The following RFX2 variants were observed in gnomAD, a reference collection of about 807,000 sequenced individuals.
RFX2 encodes regulatory factor X2.
RFX2 carries 20 observed loss-of-function variants against 87.8 expected under a neutral mutation model. The ratio of observed to expected loss-of-function variants is 0.23; its 90% CI spans 0.16 to 0.33. The LOEUF (loss-of-function observed/expected upper bound fraction) is 0.33. Ranked by LOEUF, RFX2 falls within the 10% of genes least tolerant of loss-of-function variation. The probability of loss-of-function intolerance (pLI) is 1.00; values close to 1 mark genes in which losing one functional copy is unlikely to be tolerated. For synonymous variants in RFX2, 397 were observed against 431.3 expected, an observed-to-expected ratio of 0.92 and a Z score of 0.98; for missense variants, 767 against 1,012.3, an observed-to-expected ratio of 0.76 and a Z score of 3.29.
intron 3 of RFX2, among the ~76,000 whole-genome samples, chr19:6,042,395 G>T (rs1192694932): frequency 1.3e-5 from 2 of 152,164 alleles, no homozygotes; most frequent in African/African-American, 4.8e-5. Context: ...CTGTATACGT[G>T]GGGGCGGGAC....
Position 6,007,291 on chromosome 19 carries a change from C to G in RFX2, c.1248-125G>C. On this transcript the variant is annotated intron_variant, in intron 11 of 17. Transcript: ENST00000303657. This position sits in a 1 kb window ranked among gnomAD's most constrained non-coding sequence, Gnocchi z 8.2. ...ACAGTGGGGCTGGGGTTTTGCTCCCCATCCCTGAGCCTCGATGGGTCCCCT... is the reference window on the plus strand; with the variant it reads ...ACAGTGGGGCTGGGGTTTTGCTCCCGATCCCTGAGCCTCGATGGGTCCCCT... 1.0e-6 allele frequency: 1 copy of G among 961,628 alleles called. No individual in the cohort carries two copies. Among genetic ancestry groups the G allele is most frequent in the Non-Finnish European group, 1.5e-6 (1 of 650,686 alleles). 59.6% of individuals were successfully genotyped at this position (961,628 alleles called of 1,614,324 possible).
rs1183275826 is a variant in RFX2, at chr19:6,044,723, G to T, written c.91-441C>A. On this transcript the variant is annotated intron_variant, in intron 2 of 17. Coordinates refer to ENST00000303657, the MANE Select transcript of RFX2 (RefSeq NM_000635.4). This position sits in a 1 kb window ranked among gnomAD's most constrained non-coding sequence, Gnocchi z 5.3. Reference sequence around the variant, plus strand: ...CCTCTGGATAGCCATCCGCACCACTGCGTGGGAGAGCACTCTGTGGCGCCC... The same window carrying T: ...CCTCTGGATAGCCATCCGCACCACTTCGTGGGAGAGCACTCTGTGGCGCCC... 7.2e-5 allele frequency among the ~76,000 whole-genome samples: 11 copies of T among 152,232 alleles called. No homozygotes were observed. The highest frequency in any genetic ancestry group is 7.2e-4 in the Admixed American group (11 of 15,292).
intron 1 of RFX2, among the ~76,000 whole-genome samples, chr19:6,091,408 A>G (rs941398303): frequency 1.3e-5 from 2 of 150,276 alleles, no homozygotes; most frequent in East Asian, 3.9e-4. Flanking sequence ...TGATCGCACC[A>G]CCCCACTGCA....
intron 1 of RFX2, among the ~76,000 whole-genome samples, chr19:6,051,733 A>C (rs2087268468): frequency 6.6e-6 from 1 of 152,194 alleles, no homozygotes; most frequent in African/African-American, 2.4e-5. Flanking sequence ...TCTTGAATGA[A>C]AAGGCAGAAA....
chr19:6,002,047 G>C lies in RFX2; in HGVS notation c.1651-24C>G. ...TCCTGTGGGCAGGGCAGAGGCCAGTGTCAGCAATGTGGACCCCCAGCCACG... is the reference window on the plus strand; with the variant it reads ...TCCTGTGGGCAGGGCAGAGGCCAGTCTCAGCAATGTGGACCCCCAGCCACG... On this transcript the variant is annotated intron_variant, in intron 14 of 17. Coordinates refer to ENST00000303657, the MANE Select transcript of RFX2 (RefSeq NM_000635.4). The surrounding 1 kb of genome is among the most constrained non-coding windows in gnomAD (Gnocchi z 6.7). The C allele has an allele frequency of 6.4e-7, 1 of 1,570,314 alleles. No individual in the cohort carries two copies. Among genetic ancestry groups the C allele is most frequent in the Non-Finnish European group, 8.6e-7 (1 of 1,156,196 alleles).
intron 1 of RFX2, among the ~76,000 whole-genome samples, chr19:6,081,278 G>A (rs2087780626): frequency 6.6e-6 from 1 of 152,194 alleles, no homozygotes; most frequent in African/African-American, 2.4e-5. Flanking sequence ...GGAGGCCAAG[G>A]TGAGAGGATT....
At chr19:6,008,376 T>C (rs1452673538) in intron 9 of RFX2, 152 bp from the exon 10 acceptor site, 2 of 146,358 alleles carry the variant, frequency 1.4e-5, no homozygotes, top group Admixed American at 7.2e-5. Context: ...TTTCTTTTTC[T>C]TTTTTTTTTT....
Position 6,012,952 on chromosome 19 carries a change from G to A in RFX2, c.899+34C>T, listed in dbSNP as rs1285489029. The A allele has an allele frequency of 6.7e-7, 1 of 1,482,936 alleles. No individual in the cohort carries two copies. The highest frequency in any genetic ancestry group is 2.5e-5 in the East Asian group (1 of 40,570). The allele number at this position is 1,482,936 out of a possible 1,614,324, so 91.9% of individuals were successfully genotyped here. Reference sequence around the variant, plus strand: ...ACCCACCCCTCCATGCTCCAGGGGAGAGCCAGCTCCTCCCAGCTCGGCCCG... The same window carrying A: ...ACCCACCCCTCCATGCTCCAGGGGAAAGCCAGCTCCTCCCAGCTCGGCCCG... On this transcript the variant is annotated intron_variant, in intron 8 of 17. Coordinates refer to ENST00000303657, the MANE Select transcript of RFX2 (RefSeq NM_000635.4). This position sits in a 1 kb window ranked among gnomAD's most constrained non-coding sequence, Gnocchi z 4.6.
chr19:6,108,383 G>A (rs1486468751), intron 1 of RFX2, among the ~76,000 whole-genome samples: 1 of 152,200 alleles, frequency 6.6e-6, no homozygotes, highest in African/African-American at 2.4e-5. Flanking sequence ...AGAAGGACGG[G>A]AGGTAAGGAT....
chr19:6,009,349 C>T (rs2086631103), intron 9 of RFX2, among the ~76,000 whole-genome samples: 1 of 152,178 alleles, frequency 6.6e-6, no homozygotes, highest in African/African-American at 2.4e-5. Flanking sequence ...CCCCCCTGCC[C>T]TCCCTCATGG....
intron 1 of RFX2, among the ~76,000 whole-genome samples, chr19:6,108,635 T>A (rs1288909254): frequency 1.3e-5 from 2 of 152,160 alleles, no homozygotes; most frequent in Non-Finnish European, 2.9e-5. Flanking sequence ...TGGTCATTTA[T>A]GATACAAAGC....
chr19:6,001,946 C>T lies in RFX2; in HGVS notation c.1728G>A (p.Gln576=), dbSNP rs766047985. 1.2e-5 allele frequency: 19 copies of T among 1,612,790 alleles called. No individual in the cohort carries two copies. Among genetic ancestry groups the T allele is most frequent in the Non-Finnish European group, 1.6e-5 (19 of 1,179,990 alleles). The change falls in exon 15 of 18, where the codon CAG becomes CAA. Residue 576 remains glutamine (Q), a synonymous_variant. Coordinates refer to ENST00000303657, the MANE Select transcript of RFX2 (RefSeq NM_000635.4). The surrounding 1 kb of genome is among the most constrained non-coding windows in gnomAD (Gnocchi z 5.6). The part of the protein sequence containing the change: ...RLEQDFKLTL[Q]QQSSLDQWAS... ...CCCACTGGTCCAGGGAGCTCTGCTG[C>T]TGCAGGGTCAGCTTGAAATCCTGCT...
chr19:6,091,327 C>T (rs931073415), intron 1 of RFX2, among the ~76,000 whole-genome samples: 1 of 151,468 alleles, frequency 6.6e-6, no homozygotes, highest in Non-Finnish European at 1.5e-5. Flanking sequence ...CTTGTCTCTA[C>T]AAAAAATTAG....
At chr19:6,085,914 A>G (rs1268362197) in intron 1 of RFX2, among the ~76,000 whole-genome samples, 1 of 152,088 alleles carries the variant, frequency 6.6e-6, no homozygotes, top group Non-Finnish European at 1.5e-5. Context: ...CAACATAGTG[A>G]GACCTCGTCT....
Position 6,083,444 on chromosome 19 carries a change from CTT to C in RFX2, c.-9+26947_-9+26948del, listed in dbSNP as rs1046838183. Among the ~76,000 whole-genome samples the C allele has an allele frequency of 4.0e-5, 6 of 151,332 alleles. No individual in the cohort carries two copies. Among genetic ancestry groups the C allele is most frequent in the Non-Finnish European group, 8.8e-5 (6 of 67,962 alleles). ...TTTCATGTGTCACAAAATATTTTGT[CTT>C]GTTTCCAATCATTTAAAAACGCAAA... On this transcript the variant is annotated intron_variant, in intron 1 of 17. Coordinates refer to ENST00000303657, the MANE Select transcript of RFX2 (RefSeq NM_000635.4). This position sits in a 1 kb window ranked among gnomAD's most constrained non-coding sequence, Gnocchi z 4.6.
chr19:5,995,671 G>A (rs1183927100), intron 16 of RFX2, 28 bp from the exon 17 acceptor site: 42 of 1,550,502 alleles, frequency 2.7e-5, no homozygotes, highest in Non-Finnish European at 3.1e-5. Flanking sequence ...AGTCAGGGGC[G>A]CCTGCAGAGG....
chr19:6,059,718 T>C (rs1211488487), intron 1 of RFX2, among the ~76,000 whole-genome samples: 2 of 151,824 alleles, frequency 1.3e-5, no homozygotes, highest in Non-Finnish European at 2.9e-5. Flanking sequence ...CAAATATACA[T>C]GGACATACAC....
At chr19:6,008,665 A>G (rs10403518) in intron 9 of RFX2, among the ~76,000 whole-genome samples, 60,739 of 139,368 alleles carry the variant, frequency 0.44, 15,703 homozygotes, top group African/African-American at 0.75. Context: ...GTGAGCCACC[A>G]TGCCCGGCCA....
In RFX2 at chr19:6,007,459, T is replaced by C. The variant is rs1328748300; in HGVS notation, c.1247+231A>G. Among the ~76,000 whole-genome samples, 1 of 152,164 alleles carries C rather than the reference T, an allele frequency of 6.6e-6. No individual in the cohort carries two copies. Among genetic ancestry groups the C allele is most frequent in the Non-Finnish European group, 1.5e-5 (1 of 68,026 alleles). ...GTCACTTCTACTTGGGATTGCATCA[T>C]GGTCACCTCTAAAATCCTCCCTATT... is the stretch of plus-strand genomic sequence containing the variant. On this transcript the variant is annotated intron_variant, in intron 11 of 17. Coordinates refer to ENST00000303657, the MANE Select transcript of RFX2 (RefSeq NM_000635.4). The surrounding 1 kb of genome is among the most constrained non-coding windows in gnomAD (Gnocchi z 8.2).
Sources: gnomAD v4.1 joint callset for allele counts (sites outside exome capture counted in the v4.1 genomes callset) on GRCh38, gnomAD v4.1.1 for gene constraint, Gnocchi (gnomAD v3.1) non-coding constraint, MANE v1.5 for transcripts, NCBI Gene and HGNC (gene_info 2026-07-23, HGNC 2026-07-21) for gene names.